Variants in PCCA observed in about 807,000 individuals in gnomAD.
PCCA encodes propionyl-CoA carboxylase subunit alpha.
In PCCA, 74 loss-of-function variants were observed where a neutral mutation model predicts 101.3. That is an observed-to-expected ratio of 0.73 (90% confidence interval 0.61 to 0.89). PCCA has a LOEUF of 0.89. Ranked by LOEUF, PCCA falls within the 40% of genes least tolerant of loss-of-function variation. The pLI is 0.00. For missense variants in PCCA, 891 were observed against 907.0 expected, an observed-to-expected ratio of 0.98 and a Z score of 0.23; for synonymous variants, 294 against 313.6, an observed-to-expected ratio of 0.94 and a Z score of 0.66.
At chr13:100,229,154 C>T (rs2060323286) in intron 7 of PCCA, among the ~76,000 whole-genome samples, 1 of 151,562 alleles carries the variant, frequency 6.6e-6, no homozygotes, top group Non-Finnish European at 1.5e-5. Context: ...GCAGGTTTTA[C>T]AAAACCTAAA....
At chr13:100,301,904 G>T (rs958220075) in intron 13 of PCCA, among the ~76,000 whole-genome samples, 7 of 152,016 alleles carry the variant, frequency 4.6e-5, no homozygotes, top group Admixed American at 4.6e-4. Flanking sequence ...TTTTTGTTTT[G>T]TTTGCATTTT....
intron 21 of PCCA, among the ~76,000 whole-genome samples, chr13:100,477,791 C>T (rs1025067178): frequency 3.3e-5 from 5 of 152,106 alleles, no homozygotes; most frequent in African/African-American, 1.2e-4. Flanking sequence ...ACCCTTCACC[C>T]CTGAGTCCTG....
chr13:100,483,760 T>C (rs1351862502), intron 21 of PCCA, among the ~76,000 whole-genome samples: 1 of 152,252 alleles, frequency 6.6e-6, no homozygotes, highest in African/African-American at 2.4e-5. Context: ...CTAGTCATTT[T>C]ATCATTTTTA....
intron 4 of PCCA, among the ~76,000 whole-genome samples, chr13:100,151,539 C>T (rs912495541): frequency 6.6e-6 from 1 of 151,870 alleles, no homozygotes; most frequent in African/African-American, 2.4e-5. Flanking sequence ...TTGCGATGAG[C>T]CGAGATCGCG....
At chr13:100,152,870 G>C (rs2053510775) in intron 4 of PCCA, among the ~76,000 whole-genome samples, 1 of 152,114 alleles carries the variant, frequency 6.6e-6, no homozygotes, top group African/African-American at 2.4e-5. Context: ...TTAGAGAAAA[G>C]ACTAAAAATG....
intron 18 of PCCA, among the ~76,000 whole-genome samples, chr13:100,365,728 G>T (rs1449966137): frequency 6.6e-6 from 1 of 152,148 alleles, no homozygotes; most frequent in Admixed American, 6.5e-5. Context: ...AAGAATATAG[G>T]CCGAGAGCCG....
At chr13:100,463,246 T>G (rs1031310902) in intron 21 of PCCA, among the ~76,000 whole-genome samples, 1 of 151,732 alleles carries the variant, frequency 6.6e-6, no homozygotes, top group African/African-American at 2.4e-5. Context: ...TCCAAGGAGG[T>G]TGGGTGGCAT....
intron 6 of PCCA, among the ~76,000 whole-genome samples, chr13:100,181,762 CTTTTTTTCTTTTTT>C (rs1251821967): frequency 1.1e-4 from 13 of 113,984 alleles, no homozygotes; most frequent in African/African-American, 5.2e-4. Flanking sequence ...TTTTCTTTTT[CTTTTTTTCTTTTTT>C]TTTTTTTGAG....
chr13:100,494,827 T>G (rs1027489522), intron 21 of PCCA, among the ~76,000 whole-genome samples: 2 of 152,176 alleles, frequency 1.3e-5, no homozygotes, highest in African/African-American at 4.8e-5. Flanking sequence ...CTCCTTAAAT[T>G]GTGACATCCC....
chr13:100,463,336 GTTT>G (rs574359198), intron 21 of PCCA, among the ~76,000 whole-genome samples: 11,879 of 114,300 alleles, frequency 0.1, 711 homozygotes, highest in African/African-American at 0.24. Flanking sequence ...TATTGGTGTG[GTTT>G]TTTTTTTTTT....
At position 100,493,073 on chromosome 13, in the gene PCCA, C is replaced by G. The variant is rs542301056; in HGVS notation, c.1900-22354C>G. Among the ~76,000 whole-genome samples the G allele has an allele frequency of 3.0e-4, 46 of 152,318 alleles. 1 individual carries two copies. Among genetic ancestry groups the G allele is most frequent in the African/African-American group, 1.0e-3 (43 of 41,580 alleles). ...CTGAGCTGTTTTAACACGTAGCCAT[C>G]CGCAGATGGCAGCTTCTAAAAGAGC... On this transcript the variant is annotated intron_variant, in intron 21 of 23. Coordinates refer to ENST00000376285, the MANE Select transcript of PCCA (RefSeq NM_000282.4).
chr13:100,280,099 A>C lies in PCCA; in HGVS notation c.1065+6753A>C, dbSNP rs139021070. 2.8e-3 allele frequency among the ~76,000 whole-genome samples: 429 copies of C among 151,598 alleles called. 5 individuals carry two copies. The highest frequency in any genetic ancestry group is 1.0e-2 in the African/African-American group (413 of 41,340). On this transcript the variant is annotated intron_variant, in intron 12 of 23. Transcript: ENST00000376285. ...TTTGAAATAACAATACAGTTTCTCC[A>C]TAAAGAGATGCAACACTAAGAAAGT... is the stretch of plus-strand genomic sequence containing the variant.
intron 7 of PCCA, among the ~76,000 whole-genome samples, chr13:100,216,249 A>G (rs2059507153): frequency 6.6e-6 from 1 of 152,232 alleles, no homozygotes; most frequent in Admixed American, 6.5e-5. Flanking sequence ...CATATTAGGC[A>G]GAAAGAATAA....
At chr13:100,089,779 C>T (rs2046110580) in intron 1 of PCCA, among the ~76,000 whole-genome samples, 1 of 152,214 alleles carries the variant, frequency 6.6e-6, no homozygotes, top group Non-Finnish European at 1.5e-5. Flanking sequence ...ACACCCCAGT[C>T]TACTGTGTAC....
intron 16 of PCCA, among the ~76,000 whole-genome samples, chr13:100,319,768 A>G (rs936462634): frequency 3.3e-5 from 5 of 152,148 alleles, no homozygotes; most frequent in Non-Finnish European, 7.4e-5. Context: ...GTCAGGTAGC[A>G]TGATGCCTCC....
chr13:100,410,066 C>T (rs1187919637), intron 19 of PCCA, among the ~76,000 whole-genome samples: 1 of 151,686 alleles, frequency 6.6e-6, no homozygotes, highest in Non-Finnish European at 1.5e-5. Flanking sequence ...AGCCTGTCAC[C>T]CGTACTTGTG....
intron 2 of PCCA, among the ~76,000 whole-genome samples, chr13:100,109,811 G>A (rs1353328501): frequency 2.0e-5 from 3 of 152,142 alleles, no homozygotes; most frequent in Admixed American, 2.0e-4. Context: ...TCACTTCTGA[G>A]ATTCTGGACT....
chr13:100,293,442 A>G (rs893240390), intron 12 of PCCA, among the ~76,000 whole-genome samples: 6 of 152,224 alleles, frequency 3.9e-5, no homozygotes, highest in African/African-American at 1.4e-4. Context: ...TATAACAATT[A>G]ACTATAATTG....
At chr13:100,348,782 T>C (rs1374182016) in intron 18 of PCCA, among the ~76,000 whole-genome samples, 5 of 70,204 alleles carry the variant, frequency 7.1e-5, no homozygotes, top group Non-Finnish European at 1.6e-4. Context: ...CTTTCTTTCT[T>C]TCTTTCTTCC....
Sources: gnomAD v4.1 joint callset for allele counts (sites outside exome capture counted in the v4.1 genomes callset) on GRCh38, gnomAD v4.1.1 for gene constraint, MANE v1.5 for transcripts, NCBI Gene and HGNC (gene_info 2026-07-23, HGNC 2026-07-21) for gene names.